Variants in DDX10 observed in about 807,000 individuals in gnomAD.
DDX10 encodes probable ATP-dependent RNA helicase DDX10.
A neutral mutation model predicts 104.3 loss-of-function variants in DDX10; 74 were observed. The observed-to-expected ratio is 0.71, with a 90% CI of 0.59 to 0.86. DDX10 has a LOEUF of 0.86. Ranked by LOEUF, DDX10 falls within the 40% of genes least tolerant of loss-of-function variation. The pLI is 0.00. For synonymous variants in DDX10, 351 were observed against 353.4 expected, an observed-to-expected ratio of 0.99 and a Z score of 0.08; for missense variants, 952 against 1,040.0, an observed-to-expected ratio of 0.92 and a Z score of 1.16.
At chr11:108,668,928 A>G (rs2094213571) in intron 1 of DDX10, among the ~76,000 whole-genome samples, 2 of 152,232 alleles carry the variant, frequency 1.3e-5, no homozygotes, top group Middle Eastern at 3.4e-3. Context: ...TACAAAAAAC[A>G]TGCTTCTTCT....
At chr11:108,712,598 T>C (rs2091416767) in intron 10 of DDX10, among the ~76,000 whole-genome samples, 1 of 152,158 alleles carries the variant, frequency 6.6e-6, no homozygotes, top group African/African-American at 2.4e-5. Flanking sequence ...TCGTGTCCCT[T>C]ATATCATTGA....
intron 13 of DDX10, among the ~76,000 whole-genome samples, chr11:108,832,858 G>C (rs1862491039): frequency 6.6e-6 from 1 of 152,134 alleles, no homozygotes; most frequent in South Asian, 2.1e-4. Context: ...TTAATTGCTG[G>C]AGGTAACTCT....
At chr11:108,893,761 C>A (rs1863405832) in intron 16 of DDX10, among the ~76,000 whole-genome samples, 1 of 151,850 alleles carries the variant, frequency 6.6e-6, no homozygotes, top group Non-Finnish European at 1.5e-5. Context: ...TTTGTCAGTC[C>A]CACCGGGGGA....
chr11:108,802,548 C>G (rs986547455), intron 13 of DDX10, among the ~76,000 whole-genome samples: 16 of 152,092 alleles, frequency 1.1e-4, no homozygotes, highest in African/African-American at 2.9e-4. Context: ...CAGATACGTG[C>G]CATTTCTCTC....
intron 13 of DDX10, among the ~76,000 whole-genome samples, chr11:108,776,220 C>T (rs149837092): frequency 1.1e-3 from 173 of 152,276 alleles, no homozygotes; most frequent in African/African-American, 4.0e-3. Context: ...TTCCTTTCAG[C>T]GAGGGTCAGC....
chr11:108,888,580 C>T (rs987489624), intron 16 of DDX10, among the ~76,000 whole-genome samples: 1 of 152,114 alleles, frequency 6.6e-6, no homozygotes, highest in Non-Finnish European at 1.5e-5. Flanking sequence ...ACACAGACTC[C>T]TGAAAGACTG....
At chr11:108,715,741 T>C (rs2094290501) in intron 10 of DDX10, 138 bp from the exon 11 acceptor site, 2 of 590,112 alleles carry the variant, frequency 3.4e-6, no homozygotes, top group East Asian at 5.9e-5. Context: ...TCTAGTTTAA[T>C]TTCCGTCTAA....
chr11:108,676,943 C>A, intron 3 of DDX10, 142 bp from the exon 4 acceptor site: 1 of 667,704 alleles, frequency 1.5e-6, no homozygotes, highest in Non-Finnish European at 2.4e-6. Context: ...TAAACAAAAT[C>A]ATTTACTTTG....
At chr11:108,907,946 TGTTAAA>T (rs1261882143) in intron 16 of DDX10, among the ~76,000 whole-genome samples, 1 of 152,258 alleles carries the variant, frequency 6.6e-6, no homozygotes, top group Non-Finnish European at 1.5e-5. Context: ...GGGGCCAGGC[TGTTAAA>T]ATTTAACATC....
At chr11:108,746,463 G>A (rs1222558778) in intron 13 of DDX10, among the ~76,000 whole-genome samples, 2 of 151,852 alleles carry the variant, frequency 1.3e-5, no homozygotes, top group African/African-American at 2.4e-5. Context: ...CATTTGGATT[G>A]TTTCCATCTT....
At chr11:108,703,116 G>T (rs2094270845) in intron 9 of DDX10, among the ~76,000 whole-genome samples, 2 of 152,100 alleles carry the variant, frequency 1.3e-5, no homozygotes, top group Admixed American at 6.6e-5. Flanking sequence ...CTTGAAAAAT[G>T]CTGAGAGTGG....
intron 9 of DDX10, among the ~76,000 whole-genome samples, chr11:108,694,031 G>T (rs77751192): frequency 2.0e-5 from 3 of 152,062 alleles, no homozygotes; most frequent in Admixed American, 6.5e-5. Context: ...AAGTGGGTGG[G>T]GTCTTAAGCG....
chr11:108,789,842 G>A (rs916962011), intron 13 of DDX10, among the ~76,000 whole-genome samples: 3 of 152,290 alleles, frequency 2.0e-5, no homozygotes, highest in South Asian at 2.1e-4. Flanking sequence ...CAAGATCAAG[G>A]TTTTATCCAT....
rs117880067 is a variant in DDX10, at chr11:108,906,917, A to G, written c.2305-10956A>G. Among the ~76,000 whole-genome samples the G allele has an allele frequency of 1.6e-4, 24 of 152,336 alleles. No individual in the cohort carries two copies. In the East Asian group the frequency reaches 4.3e-3, roughly 27 times the overall value. ...AAAAGTCTTAAGGTTAAAATGCTGAATCAGAGTCCTTAACTGGCATACTGT... is the reference window on the plus strand; with the variant it reads ...AAAAGTCTTAAGGTTAAAATGCTGAGTCAGAGTCCTTAACTGGCATACTGT... On this transcript the variant is annotated intron_variant, in intron 16 of 17. Coordinates refer to ENST00000322536, the MANE Select transcript of DDX10 (RefSeq NM_004398.4).
chr11:108,727,835 T>A, intron 13 of DDX10: 1 of 197,446 alleles, frequency 5.1e-6, no homozygotes. Flanking sequence ...TTTTTAGTCA[T>A]TCCTAGAAAG....
At chr11:108,899,604 G>A (rs1159533150) in intron 16 of DDX10, among the ~76,000 whole-genome samples, 4 of 151,942 alleles carry the variant, frequency 2.6e-5, no homozygotes, top group Non-Finnish European at 5.9e-5. Flanking sequence ...GACATGCACA[G>A]CAATATTAGA....
chr11:108,695,483 C>G (rs1227790048), intron 9 of DDX10, among the ~76,000 whole-genome samples: 1 of 152,208 alleles, frequency 6.6e-6, no homozygotes, highest in Non-Finnish European at 1.5e-5. Flanking sequence ...ACCACCTGCC[C>G]TGTGTCCACT....
chr11:108,707,838 ACTTAAGT>A (rs772235852), intron 10 of DDX10, among the ~76,000 whole-genome samples: 1 of 152,212 alleles, frequency 6.6e-6, no homozygotes, highest in Non-Finnish European at 1.5e-5. Flanking sequence ...CCTTAATCCT[ACTTAAGT>A]CTTATAACTA....
At chr11:108,918,197 T>C in intron 17 of DDX10, 179 bp downstream of exon 17, 1 of 647,538 alleles carries the variant, frequency 1.5e-6, no homozygotes, top group Non-Finnish European at 2.7e-6. Context: ...TGCTGCAGAT[T>C]GTTCTGGTCA....
Sources: allele counts gnomAD v4.1 joint callset (sites outside exome capture counted in the v4.1 genomes callset), GRCh38; gene constraint gnomAD v4.1.1; transcripts MANE v1.5; gene names NCBI Gene and HGNC (gene_info 2026-07-23, HGNC 2026-07-21).